Variants in DCC observed in about 807,000 individuals in gnomAD.
The protein encoded by DCC is netrin receptor DCC.
In DCC, 58 loss-of-function variants were observed where a neutral mutation model predicts 172.5. That is an observed-to-expected ratio of 0.34 (90% CI 0.27 to 0.42). The LOEUF is 0.42. Among genes scored for constraint, DCC ranks in the 10% least tolerant of loss-of-function variants. The pLI is 1.00. For synonymous variants in DCC, 709 were observed against 644.5 expected, an observed-to-expected ratio of 1.10 and a Z score of -1.52; for missense variants, 1,740 against 1,791.0, an observed-to-expected ratio of 0.97 and a Z score of 0.51.
intron 1 of DCC, among the ~76,000 whole-genome samples, chr18:52,509,630 C>T (rs981984880): frequency 3.3e-5 from 5 of 152,186 alleles, no homozygotes; most frequent in African/African-American, 1.2e-4. Context: ...ACAGCTGGTT[C>T]ACTCCTAATT....
At chr18:52,604,501 A>C (rs1334550016) in intron 1 of DCC, among the ~76,000 whole-genome samples, 2 of 152,148 alleles carry the variant, frequency 1.3e-5, no homozygotes, top group Non-Finnish European at 2.9e-5. Flanking sequence ...GAAAAGTGGC[A>C]CTTCCCATTA....
intron 15 of DCC, among the ~76,000 whole-genome samples, chr18:53,342,562 G>T (rs1040579831): frequency 6.6e-6 from 1 of 150,852 alleles, no homozygotes; most frequent in African/African-American, 2.4e-5. Context: ...TTTTAAAAGA[G>T]CATTATTGAG....
At chr18:53,312,299 C>T (rs2057281638) in intron 13 of DCC, among the ~76,000 whole-genome samples, 1 of 132,466 alleles carries the variant, frequency 7.5e-6, no homozygotes, top group East Asian at 2.4e-4. Context: ...CGAGATTGCG[C>T]CACTGCCCTC....
chr18:52,392,673 C>T (rs1038558316), intron 1 of DCC, among the ~76,000 whole-genome samples: 10 of 152,134 alleles, frequency 6.6e-5, no homozygotes, highest in Middle Eastern at 3.4e-3. Flanking sequence ...GCTGCTAATG[C>T]CTTTGTCTGT....
intron 2 of DCC, among the ~76,000 whole-genome samples, chr18:52,836,689 C>G (rs966073531): frequency 2.6e-5 from 4 of 152,186 alleles, no homozygotes; most frequent in African/African-American, 9.7e-5. Context: ...CAGGGCACAG[C>G]CCCCTCCTGG....
intron 1 of DCC, among the ~76,000 whole-genome samples, chr18:52,503,516 C>T (rs7238820): frequency 0.019 from 2,894 of 152,166 alleles, 97 homozygotes; most frequent in African/African-American, 0.066. Context: ...GAAAAGCATG[C>T]GATTGTGCTC....
chr18:53,454,929 A>G (rs926641028), intron 23 of DCC, among the ~76,000 whole-genome samples: 4 of 152,272 alleles, frequency 2.6e-5, no homozygotes, highest in African/African-American at 9.6e-5. Flanking sequence ...ATATTTGAGT[A>G]TCTGGAATTT....
intron 1 of DCC, among the ~76,000 whole-genome samples, chr18:52,708,302 C>T (rs1413656548): frequency 2.6e-5 from 4 of 151,970 alleles, no homozygotes; most frequent in Admixed American, 6.6e-5. Context: ...GTTAGCTGGG[C>T]GTGGTGGCGG....
intron 12 of DCC, among the ~76,000 whole-genome samples, chr18:53,282,000 G>A (rs887209797): frequency 2.0e-5 from 3 of 152,112 alleles, no homozygotes; most frequent in African/African-American, 4.8e-5. Context: ...AGTTTAGATA[G>A]TAAGTTCAAT....
intron 1 of DCC, among the ~76,000 whole-genome samples, chr18:52,620,012 G>A (rs1057306929): frequency 6.6e-6 from 1 of 152,202 alleles, no homozygotes; most frequent in Non-Finnish European, 1.5e-5. Flanking sequence ...CACTAGACTT[G>A]AAGAAGCCAT....
chr18:53,364,005 GTTAA>G (rs1229701099), intron 15 of DCC, among the ~76,000 whole-genome samples: 2 of 152,154 alleles, frequency 1.3e-5, no homozygotes, highest in African/African-American at 4.8e-5. Flanking sequence ...AGTCTGTTAA[GTTAA>G]TTAGAGTTAT....
intron 17 of DCC, 63 bp from the exon 18 acceptor site, chr18:53,397,245 G>A: frequency 6.8e-7 from 1 of 1,475,332 alleles, no homozygotes. Context: ...CTTTTTATAT[G>A]TCTTGATTTA....
chr18:53,191,774 G>C (rs551971171), intron 9 of DCC, among the ~76,000 whole-genome samples: 1 of 152,200 alleles, frequency 6.6e-6, no homozygotes, highest in South Asian at 2.1e-4. Context: ...TACTCAGCAT[G>C]ATAACAGCTC....
chr18:53,065,662 G>A lies in DCC; in HGVS notation c.1141-384G>A, dbSNP rs28599858. 8.0e-3 allele frequency among the ~76,000 whole-genome samples: 1,220 copies of A among 151,896 alleles called. 22 individuals carry two copies. Among genetic ancestry groups the A allele is most frequent in the African/African-American group, 0.028 (1,152 of 41,450 alleles). ...TTATACCCTTTCTTTTTTTTCCTGAGCAGCTACTAAACCTGAACTTCCTTC... is the reference window on the plus strand; with the variant it reads ...TTATACCCTTTCTTTTTTTTCCTGAACAGCTACTAAACCTGAACTTCCTTC... On this transcript the variant is annotated intron_variant, in intron 6 of 28. Transcript: ENST00000442544.
chr18:52,851,178 T>C (rs1222689169), intron 2 of DCC, among the ~76,000 whole-genome samples: 3 of 141,816 alleles, frequency 2.1e-5, no homozygotes, highest in African/African-American at 7.3e-5. Context: ...AGAATAGAAT[T>C]TGAAACTTAC....
chr18:52,463,277 G>C (rs1248024091), intron 1 of DCC, among the ~76,000 whole-genome samples: 1 of 152,032 alleles, frequency 6.6e-6, no homozygotes, highest in African/African-American at 2.4e-5. Context: ...TTAAGCCACA[G>C]TGGCCTTTTC....
chr18:52,806,210 C>T (rs1490103728), intron 2 of DCC, among the ~76,000 whole-genome samples: 1 of 152,118 alleles, frequency 6.6e-6, no homozygotes, highest in Non-Finnish European at 1.5e-5. Flanking sequence ...TAAAACCAGG[C>T]AGAAAGTAAG....
At chr18:52,403,077 C>A (rs11082922) in intron 1 of DCC, among the ~76,000 whole-genome samples, 1 of 151,798 alleles carries the variant, frequency 6.6e-6, no homozygotes, top group Non-Finnish European at 1.5e-5. Flanking sequence ...ACAGGTGCAA[C>A]GGTGAAAGTT....
At chr18:53,493,589 A>AT (rs1227017330) in intron 26 of DCC, among the ~76,000 whole-genome samples, 9 of 151,892 alleles carry the variant, frequency 5.9e-5, no homozygotes, top group Non-Finnish European at 1.2e-4. Context: ...TGGTAGTTTG[A>AT]TTTTTGTGGG....
Sources: allele counts gnomAD v4.1 joint callset (sites outside exome capture counted in the v4.1 genomes callset), GRCh38; gene constraint gnomAD v4.1.1; transcripts MANE v1.5; gene names NCBI Gene and HGNC (gene_info 2026-07-23, HGNC 2026-07-21).